NCKAP5: variants seen among roughly 807,000 people sequenced by gnomAD.
NCKAP5 encodes nck-associated protein 5.
A neutral mutation model predicts 167.0 loss-of-function variants in NCKAP5; 92 were observed. That is an observed-to-expected ratio of 0.55 (90% CI 0.47 to 0.66). The LOEUF is 0.66. Ranked by LOEUF, NCKAP5 falls within the 30% of genes least tolerant of loss-of-function variation. NCKAP5 has a pLI of 0.00. For synonymous variants in NCKAP5, 891 were observed against 877.4 expected (o/e 1.02, Z -0.27); for missense variants, 2,378 against 2,315.0 (o/e 1.03, Z -0.56).
chr2:132,949,793 A>G (rs904597786), intron 8 of NCKAP5, among the ~76,000 whole-genome samples: 17 of 152,244 alleles, frequency 1.1e-4, no homozygotes, highest in Non-Finnish European at 1.3e-4. Context: ...TGAACATGGA[A>G]TAAATACATT....
At chr2:132,875,517 A>G (rs1479699587) in intron 9 of NCKAP5, among the ~76,000 whole-genome samples, 1 of 152,198 alleles carries the variant, frequency 6.6e-6, no homozygotes, top group Non-Finnish European at 1.5e-5. Flanking sequence ...CCGTGAACTC[A>G]GGGCCTGGGT....
In NCKAP5 at chr2:133,290,835, C is replaced by T. The variant is rs112807316; in HGVS notation, c.143+12202G>A. 7.9e-3 allele frequency among the ~76,000 whole-genome samples: 1,188 copies of T among 150,472 alleles called. 14 individuals are homozygous for T. Among genetic ancestry groups the T allele is most frequent in the African/African-American group, 0.026 (1,078 of 40,888 alleles). ...GTGGCAGGAACAAAGCTCACTGCAG[C>T]CTCAGAGTCCTGGACTCAAACCATA... On this transcript the variant is annotated intron_variant, in intron 4 of 19. Transcript: ENST00000409261.
At chr2:133,420,974 CTATT>C (rs1000481973) in intron 3 of NCKAP5, among the ~76,000 whole-genome samples, 2 of 152,168 alleles carry the variant, frequency 1.3e-5, no homozygotes, top group African/African-American at 4.8e-5. Flanking sequence ...CCTCATGTGA[CTATT>C]TAATGATGAG....
intron 10 of NCKAP5, among the ~76,000 whole-genome samples, chr2:132,866,118 C>A (rs577002055): frequency 1.3e-5 from 2 of 152,282 alleles, no homozygotes; most frequent in Admixed American, 6.5e-5. Context: ...GAAAACACAT[C>A]ATCGAAATAT....
chr2:132,857,918 T>C, intron 11 of NCKAP5, among the ~76,000 whole-genome samples: 1 of 152,242 alleles, frequency 6.6e-6, no homozygotes, highest in East Asian at 1.9e-4. Context: ...ATGATATCCA[T>C]ATAACCTCTT....
chr2:132,805,633 G>T, intron 11 of NCKAP5, among the ~76,000 whole-genome samples: 1 of 146,556 alleles, frequency 6.8e-6, no homozygotes. Flanking sequence ...ATGTAAATTT[G>T]GACCTAACTG....
At chr2:132,682,068 G>A (rs1685304106) in intron 19 of NCKAP5, among the ~76,000 whole-genome samples, 1 of 152,124 alleles carries the variant, frequency 6.6e-6, no homozygotes, top group Admixed American at 6.5e-5. Flanking sequence ...CTGACAGCCA[G>A]GACAATTCAG....
At chr2:132,964,921 C>T (rs2076616990) in intron 7 of NCKAP5, among the ~76,000 whole-genome samples, 1 of 151,936 alleles carries the variant, frequency 6.6e-6, no homozygotes, top group Admixed American at 6.5e-5. Context: ...TCAAACTGTG[C>T]TCATCAAGGT....
intron 5 of NCKAP5, among the ~76,000 whole-genome samples, chr2:133,210,173 A>AATAT (rs1553579653): frequency 6.9e-6 from 1 of 145,070 alleles, no homozygotes; most frequent in Non-Finnish European, 1.5e-5. Flanking sequence ...CTCAAAAATA[A>AATAT]ATAATATAAT....
intron 19 of NCKAP5, among the ~76,000 whole-genome samples, chr2:132,680,930 T>C (rs1685141063): frequency 6.6e-6 from 1 of 152,168 alleles, no homozygotes; most frequent in African/African-American, 2.4e-5. Flanking sequence ...GGGGAACAGA[T>C]CCACAAAGAC....
chr2:133,436,751 A>C (rs1437666059), intron 3 of NCKAP5, among the ~76,000 whole-genome samples: 2 of 152,110 alleles, frequency 1.3e-5, no homozygotes, highest in South Asian at 2.1e-4. Context: ...TTCTCTGTAC[A>C]TTGAACATCC....
chr2:133,174,521 T>A (rs1479312264), intron 5 of NCKAP5, among the ~76,000 whole-genome samples: 1 of 152,186 alleles, frequency 6.6e-6, no homozygotes, highest in Non-Finnish European at 1.5e-5. Flanking sequence ...ATTTATTTTA[T>A]TCTACAGGCT....
At chr2:133,340,025 G>A (rs1259529451) in intron 3 of NCKAP5, among the ~76,000 whole-genome samples, 1 of 152,110 alleles carries the variant, frequency 6.6e-6, no homozygotes, top group Non-Finnish European at 1.5e-5. Flanking sequence ...TTCCACTCTT[G>A]TGCCCTACAG....
In NCKAP5 at chr2:133,178,920, C is replaced by T. The variant is rs150858132; in HGVS notation, c.207+34796G>A. Among the ~76,000 whole-genome samples the T allele has an allele frequency of 1.9e-3, 289 of 151,074 alleles. 3 individuals carry two copies. The highest frequency in any genetic ancestry group is 7.1e-3 in the Middle Eastern group (2 of 280). On this transcript the variant is annotated intron_variant, in intron 5 of 19. Coordinates refer to ENST00000409261, the MANE Select transcript of NCKAP5 (RefSeq NM_207363.3). ...GTAGCTCATTCCTTTAATCCCAACA[C>T]TTTGAGAGGCTAAGGCAGGTGGATC...
intron 3 of NCKAP5, among the ~76,000 whole-genome samples, chr2:133,480,687 CA>C (rs1303634198): frequency 6.6e-6 from 1 of 152,230 alleles, no homozygotes. Context: ...GCTGATTCAA[CA>C]ATGCACCTTT....
chr2:132,888,578 A>T (rs1441072403), intron 8 of NCKAP5, among the ~76,000 whole-genome samples: 1 of 152,008 alleles, frequency 6.6e-6, no homozygotes, highest in Non-Finnish European at 1.5e-5. Context: ...TTTAGTAGAG[A>T]TGGGACTTCA....
chr2:133,620,844 T>G, the NCKAP5 span, among the ~76,000 whole-genome samples: 1 of 152,146 alleles, frequency 6.6e-6, no homozygotes, highest in Admixed American at 6.5e-5. Flanking sequence ...ACATGGAACA[T>G]TCTTCAAGAC....
intron 6 of NCKAP5, among the ~76,000 whole-genome samples, chr2:133,077,472 C>T (rs1247105433): frequency 1.3e-5 from 2 of 152,186 alleles, no homozygotes; most frequent in Non-Finnish European, 2.9e-5. Flanking sequence ...CACAACTTCA[C>T]ATGTTCCAGA....
In NCKAP5 at chr2:133,408,443, C is replaced by T. The variant is rs76039441; in HGVS notation, c.70-105333G>A. On this transcript the variant is annotated intron_variant, in intron 3 of 19. Coordinates refer to ENST00000409261, the MANE Select transcript of NCKAP5 (RefSeq NM_207363.3). ...TGCTCCTCTCCAAGACTATAAAATC[C>T]TCAAGGCCAAGACCTACCCCCTCTA... Among the ~76,000 whole-genome samples, 318 of 152,232 alleles carry T rather than the reference C, an allele frequency of 2.1e-3. 6 individuals are homozygous for T. The East Asian group carries it at 0.05, about 24-fold the overall frequency.
Sources: gnomAD v4.1 joint callset for allele counts (sites outside exome capture counted in the v4.1 genomes callset) on GRCh38, gnomAD v4.1.1 for gene constraint, MANE v1.5 for transcripts, NCBI Gene and HGNC (gene_info 2026-07-23, HGNC 2026-07-21) for gene names.